The following KCNH5 variants were observed in gnomAD, a reference collection of about 807,000 sequenced individuals.
KCNH5 encodes potassium voltage-gated channel subfamily H member 5.
A neutral mutation model predicts 96.1 loss-of-function variants in KCNH5; 46 were observed. The ratio of observed to expected loss-of-function variants is 0.48; its 90% CI spans 0.38 to 0.61. The LOEUF is 0.61. KCNH5 is among the 20% of genes least tolerant of loss of function. The pLI is 0.00. For synonymous variants in KCNH5, 439 were observed against 449.8 expected (o/e 0.98, Z 0.30); for missense variants, 907 against 1,225.8 (o/e 0.74, Z 3.88).
chr14:62,740,816 C>A (rs1349646105), intron 10 of KCNH5, among the ~76,000 whole-genome samples: 1 of 152,092 alleles, frequency 6.6e-6, no homozygotes, highest in African/African-American at 2.4e-5. Context: ...CACTAACATG[C>A]AAAGTCTTCT....
chr14:62,709,375 A>C (rs1206127208), intron 10 of KCNH5, among the ~76,000 whole-genome samples: 1 of 152,026 alleles, frequency 6.6e-6, no homozygotes, highest in Non-Finnish European at 1.5e-5. Context: ...AAATTGATTT[A>C]TGCGACCCTA....
In KCNH5 at chr14:62,869,844, G is replaced by A. The variant is rs190285363; in HGVS notation, c.1370-19992C>T. On this transcript the variant is annotated intron_variant, in intron 7 of 10. Transcript: ENST00000322893. ...CAAACCTGACAAAAACAAGCAATGGGGAAAGGATTCCCTATTTAATCAATG... is the reference window on the plus strand; with the variant it reads ...CAAACCTGACAAAAACAAGCAATGGAGAAAGGATTCCCTATTTAATCAATG... Among the ~76,000 whole-genome samples the A allele has an allele frequency of 4.1e-3, 624 of 152,194 alleles. 1 individual carries two copies. The highest frequency in any genetic ancestry group is 6.9e-3 in the Non-Finnish European group (469 of 68,014).
chr14:62,708,110 C>A lies in KCNH5; in HGVS notation c.2365G>T (p.Gly789Cys), dbSNP rs140205536. Residue 789 changes from glycine to cysteine, a missense_variant, in exon 11 of 11, where the codon GGT becomes TGT. By Grantham distance (159) the Gly-to-Cys change is radical. Around this residue, in one of 6 missense-constraint regions of KCNH5, gnomAD observed 362 missense variants for 394.4 expected, o/e 0.92. Transcript: ENST00000322893. ...ACTTTGAGACATTTTTGGTCAGCAC[C>A]GCCGTTGGGCTTGAGTTCCATGGCA... ...RDAMELKPNG[G>C]ADQKCLKVNS... is the part of the protein sequence containing the mutation. 94 of 1,614,190 alleles carry A rather than the reference C, an allele frequency of 5.8e-5. No individual in the cohort carries two copies. The African/African-American group carries it at 1.1e-3, about 19-fold the overall frequency.
intron 10 of KCNH5, among the ~76,000 whole-genome samples, chr14:62,758,928 A>G (rs1380615497): frequency 6.6e-6 from 1 of 152,238 alleles, no homozygotes; most frequent in Non-Finnish European, 1.5e-5. Flanking sequence ...TATGCTAGCA[A>G]TCCAAGGGAC....
intron 7 of KCNH5, among the ~76,000 whole-genome samples, chr14:62,928,965 T>C (rs535828051): frequency 5.6e-4 from 85 of 152,200 alleles, no homozygotes; most frequent in African/African-American, 1.8e-3. Flanking sequence ...CCAGAATGTA[T>C]GTGTCCAGCC....
chr14:63,024,879 A>C (rs1789743070), intron 1 of KCNH5, among the ~76,000 whole-genome samples: 1 of 152,144 alleles, frequency 6.6e-6, no homozygotes, highest in Admixed American at 6.5e-5. Context: ...GAAAACTTTC[A>C]AACTCATTTT....
chr14:62,728,100 G>C (rs1262299732), intron 10 of KCNH5, among the ~76,000 whole-genome samples: 1 of 151,614 alleles, frequency 6.6e-6, no homozygotes, highest in Non-Finnish European at 1.5e-5. Context: ...ACCAAAGCTG[G>C]TGGGGTGTGG....
intron 9 of KCNH5, among the ~76,000 whole-genome samples, chr14:62,799,060 C>A (rs1886595448): frequency 6.6e-6 from 1 of 152,106 alleles, no homozygotes; most frequent in South Asian, 2.1e-4. Context: ...AGATTAAAAG[C>A]AAAGAGCATT....
intron 8 of KCNH5, among the ~76,000 whole-genome samples, chr14:62,805,229 T>C (rs1238239030): frequency 6.6e-6 from 1 of 152,166 alleles, no homozygotes; most frequent in African/African-American, 2.4e-5. Context: ...TTAATAATGT[T>C]TTTCAGGATT....
intron 6 of KCNH5, among the ~76,000 whole-genome samples, 154 bp from the exon 7 acceptor site, chr14:62,950,713 A>T (rs555158086): frequency 9.9e-5 from 15 of 152,284 alleles, no homozygotes; most frequent in African/African-American, 3.6e-4. Flanking sequence ...AAAACAAAAA[A>T]GTCAAAATGA....
chr14:62,977,881 A>G (rs921246180), intron 6 of KCNH5, among the ~76,000 whole-genome samples: 2 of 152,178 alleles, frequency 1.3e-5, no homozygotes, highest in Non-Finnish European at 2.9e-5. Flanking sequence ...ATGCAGTTCT[A>G]ACACCTGTGA....
chr14:62,722,526 A>T (rs1216609485), intron 10 of KCNH5, among the ~76,000 whole-genome samples: 1 of 152,194 alleles, frequency 6.6e-6, no homozygotes, highest in Non-Finnish European at 1.5e-5. Flanking sequence ...AGAATACTTG[A>T]ACTAAATTTT....
chr14:63,010,934 C>T (rs1891213280), intron 2 of KCNH5, among the ~76,000 whole-genome samples: 1 of 152,172 alleles, frequency 6.6e-6, no homozygotes, highest in African/African-American at 2.4e-5. Context: ...GACTAAAATG[C>T]AACAAACATT....
At chr14:62,977,645 T>C (rs899809329) in intron 6 of KCNH5, among the ~76,000 whole-genome samples, 3 of 152,212 alleles carry the variant, frequency 2.0e-5, no homozygotes, top group African/African-American at 7.2e-5. Flanking sequence ...TAGGGTCTTC[T>C]CTTTTTTAAA....
intron 5 of KCNH5, among the ~76,000 whole-genome samples, chr14:62,982,096 A>G (rs1227829467): frequency 1.3e-5 from 2 of 152,186 alleles, no homozygotes; most frequent in Non-Finnish European, 2.9e-5. Flanking sequence ...TATAAAAAAC[A>G]GTTGAGGCGA....
At chr14:63,022,057 T>A (rs1005082091) in intron 1 of KCNH5, among the ~76,000 whole-genome samples, 2 of 152,218 alleles carry the variant, frequency 1.3e-5, no homozygotes, top group Non-Finnish European at 2.9e-5. Flanking sequence ...GATCTTGATA[T>A]CCAAACTTGA....
At chr14:62,736,781 C>G (rs1436902139) in intron 10 of KCNH5, among the ~76,000 whole-genome samples, 4 of 152,194 alleles carry the variant, frequency 2.6e-5, no homozygotes, top group African/African-American at 9.6e-5. Context: ...CAGGTTTTAT[C>G]TAAAGTAAAC....
At chr14:62,782,086 A>C (rs72625626) in intron 9 of KCNH5, among the ~76,000 whole-genome samples, 12,331 of 152,236 alleles carry the variant, frequency 0.081, 761 homozygotes, top group East Asian at 0.3. Flanking sequence ...GGGGTCCCTG[A>C]CTTCCCGCAA....
At chr14:63,017,014 C>A in intron 1 of KCNH5, 60 bp from the exon 2 acceptor site, 2 of 1,524,540 alleles carry the variant, frequency 1.3e-6, no homozygotes, top group Non-Finnish European at 1.8e-6. Flanking sequence ...GCACTTATTT[C>A]AAGTAATCAA....
Sources: gnomAD v4.1 joint callset for allele counts (sites outside exome capture counted in the v4.1 genomes callset) on GRCh38, gnomAD v4.1.1 for gene constraint, gnomAD v4.1.1 regional missense constraint, MANE v1.5 for transcripts, NCBI Gene and HGNC (gene_info 2026-07-23, HGNC 2026-07-21) for gene names.